Variants in TEAD4 observed in about 807,000 individuals in gnomAD.
TEAD4 encodes the protein TEA domain transcription factor 4, also known as transcriptional enhancer factor TEF-3.
Under a neutral mutation model 52.4 loss-of-function variants are expected in TEAD4, and 36 were observed. That is an observed-to-expected ratio of 0.69 (90% CI 0.53 to 0.91). The LOEUF (loss-of-function observed/expected upper bound fraction) is 0.91. TEAD4 is among the 40% of genes least tolerant of loss of function. The probability of loss-of-function intolerance (pLI) is 0.00; values close to 1 mark genes in which losing one functional copy is unlikely to be tolerated. For synonymous variants in TEAD4, 220 were observed against 231.0 expected, an observed-to-expected ratio of 0.95 and a Z score of 0.43; for missense variants, 508 against 583.9, an observed-to-expected ratio of 0.87 and a Z score of 1.34.
intron 11 of TEAD4, among the ~76,000 whole-genome samples, chr12:3,038,891 G>A (rs2098281013): frequency 6.6e-6 from 1 of 152,238 alleles, no homozygotes; most frequent in Non-Finnish European, 1.5e-5. Context: ...GGGACTGAAG[G>A]CCTCCAACCC....
rs1388733012 is a variant in TEAD4, at chr12:3,040,182, A to G, written c.1114A>G (p.Asn372Asp). ...GTCCCCGCTCTGTGAGTACATGATC[A>G]ACTTCATCCACAAGCTCAAGCACCT... The change falls in exon 12 of 13, where the codon AAC becomes GAC. Residue 372 changes from asparagine to aspartate, a missense_variant. Coordinates refer to ENST00000359864, the MANE Select transcript of TEAD4 (RefSeq NM_003213.4). The G allele has an allele frequency of 6.2e-7, 1 of 1,614,172 alleles. No homozygotes were observed. Among genetic ancestry groups the G allele is most frequent in the Non-Finnish European group, 8.5e-7 (1 of 1,180,026 alleles).
intron 2 of TEAD4, chr12:2,960,288 G>T: frequency 1.0e-5 from 10 of 985,636 alleles, no homozygotes; most frequent in Non-Finnish European, 1.2e-5. Flanking sequence ...GGCAACAGAA[G>T]AGACCCAGCA....
Position 2,994,778 on chromosome 12 carries a change from G to T in TEAD4, c.12G>T (p.Thr4=), listed in dbSNP as rs112824104. The T allele has an allele frequency of 1.2e-6, 2 of 1,611,428 alleles. No homozygotes were observed. The highest frequency in any genetic ancestry group is 2.7e-5 in the African/African-American group (2 of 74,984). Reference sequence around the variant, plus strand: ...CTCCAAGCGGAGCCTTGGAGGGCACGGCCGGCACCATTACCTCCAACGAGT... The same window carrying T: ...CTCCAAGCGGAGCCTTGGAGGGCACTGCCGGCACCATTACCTCCAACGAGT... Residue 4 remains threonine (T), a synonymous_variant, in exon 3 of 13, where the codon ACG becomes ACT. Coordinates refer to ENST00000359864, the MANE Select transcript of TEAD4 (RefSeq NM_003213.4). The surrounding 1 kb of genome is among the most constrained non-coding windows in gnomAD (Gnocchi z 4.7).
At chr12:3,017,333 G>T in intron 5 of TEAD4, 65 bp from the exon 6 acceptor site, 1 of 1,608,272 alleles carries the variant, frequency 6.2e-7, no homozygotes, top group South Asian at 1.1e-5. Flanking sequence ...CCGAGGGCCG[G>T]ACCTGCCTGG....
intron 5 of TEAD4, among the ~76,000 whole-genome samples, chr12:3,016,237 A>G (rs1010134990): frequency 2.0e-5 from 3 of 152,080 alleles, no homozygotes; most frequent in African/African-American, 7.2e-5. Flanking sequence ...CAAGTTGCCC[A>G]GGCTGGCCTA....
intron 10 of TEAD4, among the ~76,000 whole-genome samples, chr12:3,032,019 C>A (rs908106356): frequency 6.6e-6 from 1 of 152,232 alleles, no homozygotes; most frequent in African/African-American, 2.4e-5. Context: ...GTGGGGAGAG[C>A]AGACTTAGCT....
chr12:3,017,148 C>G (rs2098265185), intron 5 of TEAD4: 1 of 656,692 alleles, frequency 1.5e-6, no homozygotes, highest in African/African-American at 1.8e-5. Flanking sequence ...CAGATAATGT[C>G]TCTGTAAGCT....
intron 3 of TEAD4, among the ~76,000 whole-genome samples, chr12:3,001,805 G>A (rs1230070350): frequency 6.7e-6 from 1 of 149,344 alleles, no homozygotes; most frequent in Non-Finnish European, 1.5e-5. Context: ...AATCAGGCCA[G>A]GCGTGATGGC....
chr12:3,034,211 A>G (rs2098277847), intron 10 of TEAD4, among the ~76,000 whole-genome samples: 2 of 146,578 alleles, frequency 1.4e-5, no homozygotes, highest in South Asian at 4.1e-4. Flanking sequence ...AGAGCCAGGG[A>G]GTGGGAGCTG....
At chr12:2,970,396 C>T (rs1248400304) in intron 2 of TEAD4, among the ~76,000 whole-genome samples, 1 of 152,238 alleles carries the variant, frequency 6.6e-6, no homozygotes, top group African/African-American at 2.4e-5. Context: ...ATAGAACCAA[C>T]CTCATACGGT....
At chr12:3,029,042 A>G (rs921973490) in intron 10 of TEAD4, among the ~76,000 whole-genome samples, 1 of 151,928 alleles carries the variant, frequency 6.6e-6, no homozygotes, top group Non-Finnish European at 1.5e-5. Flanking sequence ...ATTATTTCCC[A>G]TTCTGTTGAA....
chr12:2,970,108 A>G (rs1201683773), intron 2 of TEAD4, among the ~76,000 whole-genome samples: 1 of 152,198 alleles, frequency 6.6e-6, no homozygotes, highest in African/African-American at 2.4e-5. Flanking sequence ...TTGTAATAAT[A>G]TATTCTTTAA....
At chr12:2,983,698 C>T (rs2098235883) in intron 2 of TEAD4, among the ~76,000 whole-genome samples, 2 of 152,330 alleles carry the variant, frequency 1.3e-5, no homozygotes, top group East Asian at 1.9e-4. Flanking sequence ...TGCCAAAATC[C>T]AGACATTTCC....
intron 2 of TEAD4, among the ~76,000 whole-genome samples, chr12:2,964,165 T>C (rs970041992): frequency 5.3e-5 from 8 of 152,174 alleles, no homozygotes. Flanking sequence ...GCCGGTTCTG[T>C]GCTGAGCTTT....
At chr12:2,997,443 G>A (rs1021571253) in intron 3 of TEAD4, among the ~76,000 whole-genome samples, 1 of 152,166 alleles carries the variant, frequency 6.6e-6, no homozygotes, top group East Asian at 1.9e-4. Flanking sequence ...TTGCCATTTA[G>A]CCAGGAGGGA....
chr12:2,967,732 T>A (rs1489451121), intron 2 of TEAD4, among the ~76,000 whole-genome samples: 1 of 152,200 alleles, frequency 6.6e-6, no homozygotes, highest in African/African-American at 2.4e-5. Context: ...CATCATCTCA[T>A]TTCATCCTCT....
At chr12:2,972,210 C>T (rs1248833077) in intron 2 of TEAD4, among the ~76,000 whole-genome samples, 1 of 152,120 alleles carries the variant, frequency 6.6e-6, no homozygotes, top group Non-Finnish European at 1.5e-5. Flanking sequence ...TCCTGAGTAG[C>T]TGGGACCACA....
intron 10 of TEAD4, among the ~76,000 whole-genome samples, chr12:3,029,909 G>A (rs901715202): frequency 2.0e-5 from 3 of 152,112 alleles, no homozygotes; most frequent in African/African-American, 7.2e-5. Context: ...GTGTTTACTG[G>A]ACTTTTTTTT....
At chr12:3,020,286 C>G (rs2098267730) in intron 8 of TEAD4, among the ~76,000 whole-genome samples, 1 of 152,232 alleles carries the variant, frequency 6.6e-6, no homozygotes, top group African/African-American at 2.4e-5. Context: ...CCGACTGGAA[C>G]AGAAGTTGCT....
Sources: allele counts gnomAD v4.1 joint callset (sites outside exome capture counted in the v4.1 genomes callset), GRCh38; gene constraint gnomAD v4.1.1; non-coding constraint Gnocchi (gnomAD v3.1); transcripts MANE v1.5; gene names NCBI Gene and HGNC (gene_info 2026-07-23, HGNC 2026-07-21).